SPA17: variants seen among roughly 807,000 people sequenced by gnomAD.
SPA17 encodes sperm autoantigenic protein 17, also known as sperm surface protein Sp17.
In SPA17, 7 loss-of-function variants were observed where a neutral mutation model predicts 13.8. The ratio of observed to expected loss-of-function variants is 0.51; its 90% CI spans 0.29 to 0.95. The LOEUF is 0.95. Among genes scored for constraint, SPA17 ranks in the 40% least tolerant of loss-of-function variants. The pLI is 0.08. For synonymous variants in SPA17, 61 were observed against 59.0 expected (o/e 1.03, Z -0.16); for missense variants, 170 against 179.3 (o/e 0.95, Z 0.30).
At chr11:124,686,636 G>A (rs898242224) in intron 3 of SPA17, among the ~76,000 whole-genome samples, 5 of 152,136 alleles carry the variant, frequency 3.3e-5, no homozygotes, top group African/African-American at 7.2e-5. Context: ...TCAATACCAA[G>A]AGGAGCTTTG....
At chr11:124,691,899 T>C (rs957973193) in intron 4 of SPA17, 117 bp downstream of exon 4, 3 of 567,220 alleles carry the variant, frequency 5.3e-6, no homozygotes, top group Non-Finnish European at 8.5e-6. Flanking sequence ...ATGACTTTAC[T>C]TTCCAGATAA....
At chr11:124,676,463 A>G (rs1196485939) in intron 2 of SPA17, among the ~76,000 whole-genome samples, 1 of 152,250 alleles carries the variant, frequency 6.6e-6, no homozygotes. Flanking sequence ...TAATCATTTT[A>G]TAGTGGAAGA....
chr11:124,691,831 TG>T, intron 4 of SPA17, 49 bp downstream of exon 4: 1 of 1,271,784 alleles, frequency 7.9e-7, no homozygotes, highest in South Asian at 1.4e-5. Flanking sequence ...AGAATGATAT[TG>T]CCCAATTTAA....
chr11:124,690,979 C>T (rs1322425378), intron 3 of SPA17, among the ~76,000 whole-genome samples: 2 of 151,930 alleles, frequency 1.3e-5, no homozygotes, highest in African/African-American at 2.4e-5. Context: ...TCATGTTTAT[C>T]GAAGTCAAAG....
intron 3 of SPA17, among the ~76,000 whole-genome samples, chr11:124,685,627 A>G (rs2134414373): frequency 6.6e-6 from 1 of 152,306 alleles, no homozygotes; most frequent in South Asian, 2.1e-4. Context: ...GAAAAGCTGC[A>G]TACACATGAA....
At chr11:124,679,525 G>A (rs1943505524) in intron 2 of SPA17, among the ~76,000 whole-genome samples, 2 of 152,112 alleles carry the variant, frequency 1.3e-5, no homozygotes, top group South Asian at 4.2e-4. Context: ...TTAAATTTGA[G>A]TTGAAAAATA....
In SPA17 at chr11:124,695,434, C is replaced by T. The variant is rs1181318443; in HGVS notation, c.*988C>T. Reference sequence around the variant, plus strand: ...TGTTTAACAAACTCAGAGGCTTTATCTCTTTTATGTTTTCAATGATTCATT... The same window carrying T: ...TGTTTAACAAACTCAGAGGCTTTATTTCTTTTATGTTTTCAATGATTCATT... On this transcript the variant is annotated 3_prime_UTR_variant, in exon 5 of 5. Transcript: ENST00000227135. 1 of 152,120 alleles carries T rather than the reference C, an allele frequency of 6.6e-6. No individual in the cohort carries two copies. The highest frequency in any genetic ancestry group is 1.5e-5 in the Non-Finnish European group (1 of 68,014). The allele number at this position is 152,120 out of a possible 1,614,324, so 9.4% of individuals were successfully genotyped here.
intron 3 of SPA17, among the ~76,000 whole-genome samples, chr11:124,687,045 G>C (rs1943584389): frequency 6.6e-6 from 1 of 152,044 alleles, no homozygotes; most frequent in Non-Finnish European, 1.5e-5. Context: ...TGGCTAGCTA[G>C]ACTAACCAAG....
rs949418172 is a variant in SPA17 at position 124,695,621 on chromosome 11, G to T, written c.*1175G>T. On this transcript the variant is annotated 3_prime_UTR_variant, in exon 5 of 5. Coordinates refer to ENST00000227135, the MANE Select transcript of SPA17 (RefSeq NM_017425.4). ...AGTGGAGTCTTACCATTTAGTTAAT[G>T]CTGTTGCCTTCTACCATAATGTTGT... The T allele has an allele frequency of 6.6e-6, 1 of 152,216 alleles. No homozygotes were observed. The highest frequency in any genetic ancestry group is 1.5e-5 in the Non-Finnish European group (1 of 68,052). The allele number at this position is 152,216 out of a possible 1,614,324, so 9.4% of individuals were successfully genotyped here. A position where few individuals can be genotyped will look rare whatever the true frequency, so the allele number is the denominator to read the frequency against.
At chr11:124,682,188 G>A (rs1459044949) in intron 3 of SPA17, among the ~76,000 whole-genome samples, 1 of 152,114 alleles carries the variant, frequency 6.6e-6, no homozygotes, top group Non-Finnish European at 1.5e-5. Context: ...TGGGAGAATT[G>A]AGAAAAGAGC....
Position 124,675,333 on chromosome 11 carries a change from GAC to G in SPA17, c.72_73del (p.Glu26AspfsTer18), listed in dbSNP as rs776122357. 97 of 1,614,090 alleles carry G rather than the reference GAC, an allele frequency of 6.0e-5. No individual in the cohort carries two copies. The highest frequency in any genetic ancestry group is 2.0e-4 in the East Asian group (9 of 44,888). On this transcript the variant is annotated frameshift_variant, in exon 2 of 5. Transcript: ENST00000227135. LOFTEE classifies it high-confidence loss of function. ...GATTTGGGAATCTTCTTGAAGGGCT[GAC>G]ACGCGAGATTCTGAGAGAGCAACCG... ...QGFGNLLEGL[T>X]REILREQPDN...
chr11:124,686,498 A>C, intron 3 of SPA17, among the ~76,000 whole-genome samples: 1 of 152,232 alleles, frequency 6.6e-6, no homozygotes, highest in Non-Finnish European at 1.5e-5. Context: ...TATTCTTTTC[A>C]TCAGCACATG....
intron 4 of SPA17, among the ~76,000 whole-genome samples, chr11:124,693,125 A>C (rs1943638967): frequency 1.3e-5 from 2 of 152,162 alleles, no homozygotes; most frequent in Non-Finnish European, 1.5e-5. Flanking sequence ...GGTTTTCATG[A>C]GTTTGAGTAG....
At chr11:124,678,021 A>G (rs576104019) in intron 2 of SPA17, among the ~76,000 whole-genome samples, 13 of 152,370 alleles carry the variant, frequency 8.5e-5, no homozygotes, top group East Asian at 3.9e-4. Flanking sequence ...CATTGCTGGT[A>G]GATAAGCAAA....
intron 3 of SPA17, among the ~76,000 whole-genome samples, chr11:124,684,876 GAA>G (rs1247911018): frequency 8.5e-5 from 13 of 152,286 alleles, no homozygotes; most frequent in East Asian, 3.9e-4. Flanking sequence ...AAGATCTGTG[GAA>G]CTTTGAACTT....
chr11:124,687,179 CAT>C (rs1320812275), intron 3 of SPA17, among the ~76,000 whole-genome samples: 5 of 152,026 alleles, frequency 3.3e-5, no homozygotes, highest in African/African-American at 4.8e-5. Flanking sequence ...AACTAGAAAA[CAT>C]AGAGGAAATA....
At chr11:124,682,458 C>T (rs555162923) in intron 3 of SPA17, among the ~76,000 whole-genome samples, 13 of 151,952 alleles carry the variant, frequency 8.6e-5, no homozygotes, top group East Asian at 3.9e-4. Flanking sequence ...CAGTGAGGTG[C>T]AAGAGAAATC....
chr11:124,679,667 C>T lies in SPA17; in HGVS notation c.155-1722C>T, dbSNP rs1943507346. Among the ~76,000 whole-genome samples, 3 of 152,166 alleles carry T rather than the reference C, an allele frequency of 2.0e-5. No individual in the cohort carries two copies. In the South Asian group the frequency reaches 6.2e-4, roughly 32 times the overall value. On this transcript the variant is annotated intron_variant, in intron 2 of 4. Coordinates refer to ENST00000227135, the MANE Select transcript of SPA17 (RefSeq NM_017425.4). ...GCTTCCAGGTTGTCATCTCTAAATACCATTCCCAGGAATGAGGGCTTCTTG... is the reference window on the plus strand; with the variant it reads ...GCTTCCAGGTTGTCATCTCTAAATATCATTCCCAGGAATGAGGGCTTCTTG...
rs773734391 is a variant in SPA17 at position 124,681,342 on chromosome 11, T to G, written c.155-47T>G. ...TTTGTGTCACTATTCTACATTTACC[T>G]TAATGAATTCAAATAAATCTGAAGT... On this transcript the variant is annotated intron_variant, in intron 2 of 4. Coordinates refer to ENST00000227135, the MANE Select transcript of SPA17 (RefSeq NM_017425.4). The G allele has an allele frequency of 1.4e-5, 20 of 1,452,266 alleles. 1 individual carries two copies. In the South Asian group the frequency reaches 2.6e-4, roughly 19 times the overall value. 90.0% of individuals were successfully genotyped at this position (1,452,266 alleles called of 1,614,324 possible).
Sources: gnomAD v4.1 joint callset for allele counts (sites outside exome capture counted in the v4.1 genomes callset) on GRCh38, gnomAD v4.1.1 for gene constraint, MANE v1.5 for transcripts, NCBI Gene and HGNC (gene_info 2026-07-23, HGNC 2026-07-21) for gene names.